The following DDX19B variants were observed in gnomAD, a reference collection of about 807,000 sequenced individuals.
DDX19B encodes the protein ATP-dependent RNA helicase DDX19B.
Under a neutral mutation model 58.1 loss-of-function variants are expected in DDX19B, and 27 were observed. The ratio of observed to expected loss-of-function variants is 0.46; its 90% CI spans 0.34 to 0.64. The LOEUF is 0.64. Ranked by LOEUF, DDX19B falls within the 30% of genes least tolerant of loss-of-function variation. The probability of loss-of-function intolerance (pLI) is 0.01; values close to 1 mark genes in which losing one functional copy is unlikely to be tolerated. For missense variants in DDX19B, 399 were observed against 596.5 expected (o/e 0.67, Z 3.45); for synonymous variants, 187 against 214.4 (o/e 0.87, Z 1.12).
chr16:70,309,544 G>A (rs1342886667), intron 1 of DDX19B, among the ~76,000 whole-genome samples: 2 of 148,506 alleles, frequency 1.3e-5, no homozygotes, highest in Admixed American at 6.8e-5. Flanking sequence ...TCCTGGCTGG[G>A]TGCAGTGGCT....
intron 10 of DDX19B, 87 bp downstream of exon 10, chr16:70,331,971 C>A: frequency 1.9e-6 from 3 of 1,553,624 alleles, no homozygotes; most frequent in South Asian, 2.4e-5. Flanking sequence ...ACAGGGAAGT[C>A]GGATGGTCTC....
At chr16:70,296,919 T>C (rs547206758), upstream of DDX19B, among the ~76,000 whole-genome samples, 1 of 152,116 alleles carries the variant, frequency 6.6e-6, no homozygotes, top group African/African-American at 2.4e-5. Context: ...TTTGTTTTTA[T>C]TTATGTATTT....
rs1963564848 is a variant in DDX19B, at chr16:70,333,097, C to T, written c.1316C>T (p.Ala439Val). The change falls in exon 11 of 12, where the codon GCA becomes GTA. Residue 439 changes from alanine to valine, a missense_variant. Around this residue, in one of 4 missense-constraint regions of DDX19B, gnomAD observed 198 missense variants for 345.9 expected, o/e 0.57. Transcript: ENST00000288071. ...RTGRFGKRGL[A>V]VNMVDSKHSM... ...GGCCGCTTTGGCAAGAGGGGCCTGG[C>T]AGTGAACATGGTGGACAGCAAGCAC... 1 of 1,583,308 alleles carries T rather than the reference C, an allele frequency of 6.3e-7. No individual in the cohort carries two copies. The highest frequency in any genetic ancestry group is 8.6e-7 in the Non-Finnish European group (1 of 1,161,786).
upstream of DDX19B, among the ~76,000 whole-genome samples, chr16:70,296,558 G>A (rs995771843): frequency 6.6e-6 from 1 of 152,082 alleles, no homozygotes; most frequent in Non-Finnish European, 1.5e-5. Context: ...CTTGGGCGAT[G>A]TAATTTTTAA....
At chr16:70,315,508 T>A (rs1597479587) in intron 3 of DDX19B, 2 of 155,140 alleles carry the variant, frequency 1.3e-5, no homozygotes, top group East Asian at 1.9e-4. Flanking sequence ...TTATAAAAAA[T>A]TTTCAGTTGC....
upstream of DDX19B, among the ~76,000 whole-genome samples, chr16:70,291,652 T>C (rs572622021): frequency 1.3e-4 from 19 of 151,412 alleles, no homozygotes; most frequent in African/African-American, 4.1e-4. Context: ...TACTAAAAAA[T>C]ACAAAAAAAG....
chr16:70,299,656 C>T (rs1961379854), intron 1 of DDX19B, among the ~76,000 whole-genome samples: 1 of 152,138 alleles, frequency 6.6e-6, no homozygotes, highest in South Asian at 2.1e-4. Flanking sequence ...GAAATAGAGA[C>T]ATGGTCTTGC....
At chr16:70,332,403 T>A (rs929430178) in intron 10 of DDX19B, among the ~76,000 whole-genome samples, 4 of 152,082 alleles carry the variant, frequency 2.6e-5, no homozygotes, top group Non-Finnish European at 4.4e-5. Context: ...CAGGTTTAAG[T>A]GATTCTCCCG....
intron 5 of DDX19B, among the ~76,000 whole-genome samples, chr16:70,318,893 C>A (rs778562928): frequency 6.6e-6 from 1 of 151,622 alleles, no homozygotes; most frequent in East Asian, 1.9e-4. Context: ...TCACAAGCTC[C>A]GGAGATCGAG....
intron 6 of DDX19B, among the ~76,000 whole-genome samples, chr16:70,324,998 C>T (rs1481433661): frequency 2.6e-5 from 4 of 152,212 alleles, no homozygotes; most frequent in Non-Finnish European, 5.9e-5. Context: ...TTGCAGTGAG[C>T]TGAGATCGCA....
At chr16:70,293,978 T>C (rs941675369), upstream of DDX19B, among the ~76,000 whole-genome samples, 45 of 151,868 alleles carry the variant, frequency 3.0e-4, 1 homozygote, top group Non-Finnish European at 5.4e-4. Flanking sequence ...TTTTGTCTAA[T>C]GTACTTTTCA....
At chr16:70,313,829 C>A (rs1269686733) in intron 2 of DDX19B, among the ~76,000 whole-genome samples, 4 of 152,090 alleles carry the variant, frequency 2.6e-5, no homozygotes, top group Non-Finnish European at 5.9e-5. Flanking sequence ...AATTTATAGG[C>A]CGGGTGTGGT....
At chr16:70,316,902 C>A (rs1962452116) in intron 4 of DDX19B, among the ~76,000 whole-genome samples, 1 of 151,984 alleles carries the variant, frequency 6.6e-6, no homozygotes, top group South Asian at 2.1e-4. Context: ...GAAACCCTGT[C>A]TCTACTGAAA....
intron 7 of DDX19B, among the ~76,000 whole-genome samples, chr16:70,327,498 A>T (rs1358287609): frequency 2.0e-5 from 3 of 151,842 alleles, no homozygotes; most frequent in Non-Finnish European, 4.4e-5. Flanking sequence ...GTGCCACTGC[A>T]CTCCAGCCTG....
upstream of DDX19B, among the ~76,000 whole-genome samples, chr16:70,290,530 A>T (rs1961033495): frequency 6.6e-6 from 1 of 152,054 alleles, no homozygotes; most frequent in African/African-American, 2.4e-5. Context: ...CGTCTCAAAA[A>T]AAAAAATAAA....
chr16:70,305,267 G>A (rs942846643), intron 1 of DDX19B, among the ~76,000 whole-genome samples: 3 of 152,290 alleles, frequency 2.0e-5, no homozygotes, highest in Admixed American at 2.0e-4. Flanking sequence ...TCAGTGTTCT[G>A]GAATCTAGGT....
In DDX19B at chr16:70,299,189, G is replaced by T; in HGVS notation, c.-109G>T. On this transcript the variant is annotated 5_prime_UTR_variant, in exon 1 of 12. Transcript: ENST00000288071. ...TGTGGCGCGCCGCTTCCGGTCTGCA[G>T]CCTTGTAGTGGGGCTGGAGCAGAGC... is the stretch of plus-strand genomic sequence containing the variant. 1 of 1,402,286 alleles carries T rather than the reference G, an allele frequency of 7.1e-7. No homozygotes were observed. The allele number at this position is 1,402,286 out of a possible 1,614,324, so 86.9% of individuals were successfully genotyped here.
chr16:70,327,830 TAC>T (rs1206778035), intron 7 of DDX19B, among the ~76,000 whole-genome samples: 1 of 152,194 alleles, frequency 6.6e-6, no homozygotes, highest in African/African-American at 2.4e-5. Flanking sequence ...TAGTTTGTTT[TAC>T]AGTTAATATT....
intron 3 of DDX19B, chr16:70,315,724 T>A (rs1432322527): frequency 2.4e-6 from 1 of 418,816 alleles, no homozygotes; most frequent in Non-Finnish European, 4.2e-6. Context: ...GAGGAATAGA[T>A]AACTGCAGGA....
Sources: gnomAD v4.1 joint callset for allele counts (sites outside exome capture counted in the v4.1 genomes callset) on GRCh38, gnomAD v4.1.1 for gene constraint, gnomAD v4.1.1 regional missense constraint, MANE v1.5 for transcripts, NCBI Gene and HGNC (gene_info 2026-07-23, HGNC 2026-07-21) for gene names.